The following TYR variants were observed in gnomAD, a reference collection of about 807,000 sequenced individuals.
TYR encodes the protein LB24-AB.
TYR carries 58 observed loss-of-function variants against 51.5 expected under a neutral mutation model. The ratio of observed to expected loss-of-function variants is 1.13; its 90% CI spans 0.91 to 1.40. The LOEUF (loss-of-function observed/expected upper bound fraction) is 1.40. Among genes scored for constraint, TYR ranks in the 40% most tolerant of loss-of-function variants. The pLI is 0.00. For missense variants in TYR, 732 were observed against 647.4 expected (o/e 1.13, Z -1.42); for synonymous variants, 263 against 235.2 (o/e 1.12, Z -1.08).
chr11:89,232,627 G>A lies in TYR; in HGVS notation c.1184+4657G>A, dbSNP rs745791361. ...TACTATGTTCATAACCTCGATGATG[G>A]GTTCAATCATACCCAAACTTCAGCA... is the stretch of plus-strand genomic sequence containing the variant. On this transcript the variant is annotated intron_variant, in intron 3 of 4. Transcript: ENST00000263321. Among the ~76,000 whole-genome samples, 13 of 140,868 alleles carry A rather than the reference G, an allele frequency of 9.2e-5. 1 individual carries two copies. The highest frequency in any genetic ancestry group is 2.0e-4 in the Non-Finnish European group (13 of 66,142). 92.4% of individuals were successfully genotyped at this position (140,868 alleles called of 152,430 possible).
At position 89,177,984 on chromosome 11, in the gene TYR, T is replaced by C; in HGVS notation, c.31T>C (p.Trp11Arg). 1 of 1,614,194 alleles carries C rather than the reference T, an allele frequency of 6.2e-7. No individual in the cohort carries two copies. Among genetic ancestry groups the C allele is most frequent in the African/African-American group, 1.3e-5 (1 of 75,056 alleles). ...CCTGGCTGTTTTGTACTGCCTGCTG[T>C]GGAGTTTCCAGACCTCCGCTGGCCA... MLLAVLYCLLWSFQTSAGHFP... is the reference protein window; with the variant it reads MLLAVLYCLLRSFQTSAGHFP... Residue 11 changes from tryptophan (W) to arginine (R), a missense_variant, in exon 1 of 5, where the codon TGG (tryptophan) becomes CGG (arginine). Coordinates refer to ENST00000263321, the MANE Select transcript of TYR (RefSeq NM_000372.5).
intron 4 of TYR, among the ~76,000 whole-genome samples, chr11:89,290,795 G>C (rs1477353561): frequency 6.6e-6 from 1 of 151,964 alleles, no homozygotes; most frequent in Non-Finnish European, 1.5e-5. Context: ...GTAAGCCCAG[G>C]ATGCACTCTC....
At chr11:89,242,659 G>A (rs1207167132) in intron 3 of TYR, among the ~76,000 whole-genome samples, 1 of 152,186 alleles carries the variant, frequency 6.6e-6, no homozygotes, top group African/African-American at 2.4e-5. Flanking sequence ...GTCAGGAGTG[G>A]TTAATGGCAG....
chr11:89,219,916 G>T (rs1169217253), intron 2 of TYR, among the ~76,000 whole-genome samples: 1 of 151,784 alleles, frequency 6.6e-6, no homozygotes, highest in East Asian at 1.9e-4. Flanking sequence ...GATATGACAA[G>T]AATTAAAGGA....
intron 3 of TYR, among the ~76,000 whole-genome samples, chr11:89,275,794 A>G (rs1944647015): frequency 6.6e-6 from 1 of 151,812 alleles, no homozygotes; most frequent in Non-Finnish European, 1.5e-5. Flanking sequence ...TTATTTGAAC[A>G]TGGTTTGAAC....
chr11:89,193,217 C>G (rs944639786), intron 2 of TYR, among the ~76,000 whole-genome samples: 1 of 152,022 alleles, frequency 6.6e-6, no homozygotes, highest in African/African-American at 2.4e-5. Context: ...GAAACTGGAG[C>G]ATTTTGCTGT....
At chr11:89,195,144 A>G (rs992152348) in intron 2 of TYR, among the ~76,000 whole-genome samples, 1 of 152,192 alleles carries the variant, frequency 6.6e-6, no homozygotes, top group African/African-American at 2.4e-5. Context: ...TGCTCTCTCA[A>G]TAAATGCATA....
chr11:89,278,565 A>G lies in TYR; in HGVS notation c.1185-6208A>G, dbSNP rs147546939. On this transcript the variant is annotated intron_variant, in intron 3 of 4. Transcript: ENST00000263321. Reference sequence around the variant, plus strand: ...CGAATCAGTTCCCAAATATCCAACTATCTTAAGGCTTCCTTGTTTGTTCTT... The same window carrying G: ...CGAATCAGTTCCCAAATATCCAACTGTCTTAAGGCTTCCTTGTTTGTTCTT... Among the ~76,000 whole-genome samples the G allele has an allele frequency of 0.013, 1,931 of 151,722 alleles. 16 individuals carry two copies. Among genetic ancestry groups the G allele is most frequent in the Admixed American group, 0.02 (297 of 15,180 alleles).
At chr11:89,245,015 G>A (rs1036419517) in intron 3 of TYR, among the ~76,000 whole-genome samples, 2 of 152,184 alleles carry the variant, frequency 1.3e-5, no homozygotes, top group Non-Finnish European at 2.9e-5. Flanking sequence ...TTTAACCCCT[G>A]AATCTGCAGC....
At chr11:89,279,302 G>A (rs1271559121) in intron 3 of TYR, among the ~76,000 whole-genome samples, 1 of 151,640 alleles carries the variant, frequency 6.6e-6, no homozygotes, top group East Asian at 1.9e-4. Flanking sequence ...CTTTGTAGCA[G>A]CTGGCCATAA....
chr11:89,283,826 T>G (rs1944748804), intron 3 of TYR: 1 of 151,892 alleles, frequency 6.6e-6, no homozygotes, highest in Non-Finnish European at 1.5e-5. Flanking sequence ...TTAGTTTTTT[T>G]CCAGTCAAAG....
At chr11:89,198,938 G>A (rs1344041268) in intron 2 of TYR, among the ~76,000 whole-genome samples, 1 of 151,980 alleles carries the variant, frequency 6.6e-6, no homozygotes, top group African/African-American at 2.4e-5. Context: ...AGGCCCCGGT[G>A]TGTAATGTTC....
intron 3 of TYR, among the ~76,000 whole-genome samples, chr11:89,255,015 A>C (rs956070913): frequency 1.3e-5 from 2 of 151,782 alleles, no homozygotes; most frequent in East Asian, 3.9e-4. Context: ...TCGTGTCACT[A>C]TTATTGTTCA....
At chr11:89,284,408 TTCTTTCTCTGG>T (rs1364965893) in intron 3 of TYR, among the ~76,000 whole-genome samples, 1 of 151,770 alleles carries the variant, frequency 6.6e-6, no homozygotes, top group Non-Finnish European at 1.5e-5. Context: ...GTTTTATACG[TTCTTTCTCTGG>T]TCTTTCTTTG....
At position 89,247,526 on chromosome 11, in the gene TYR, G is replaced by C. The variant is rs148014758; in HGVS notation, c.1184+19556G>C. ...CTCTTTGTAGGATTAATATATTCTA[G>C]TACTAGGAAAGTTAAATTGCTTAAA... On this transcript the variant is annotated intron_variant, in intron 3 of 4. Coordinates refer to ENST00000263321, the MANE Select transcript of TYR (RefSeq NM_000372.5). Among the ~76,000 whole-genome samples, 604 of 152,208 alleles carry C rather than the reference G, an allele frequency of 4.0e-3. 4 individuals carry two copies. The highest frequency in any genetic ancestry group is 0.014 in the African/African-American group (582 of 41,538).
At chr11:89,207,176 T>G (rs1396537184) in intron 2 of TYR, among the ~76,000 whole-genome samples, 1 of 151,880 alleles carries the variant, frequency 6.6e-6, no homozygotes, top group Non-Finnish European at 1.5e-5. Context: ...GATATGAATA[T>G]AACAAGCAGC....
intron 2 of TYR, among the ~76,000 whole-genome samples, chr11:89,205,779 A>G (rs1943664314): frequency 6.6e-6 from 1 of 152,282 alleles, no homozygotes; most frequent in Admixed American, 6.5e-5. Flanking sequence ...TGATAAAATA[A>G]ACTTTCTTAA....
chr11:89,272,143 G>A (rs1944595326), intron 3 of TYR, among the ~76,000 whole-genome samples: 1 of 151,850 alleles, frequency 6.6e-6, no homozygotes, highest in Admixed American at 6.6e-5. Flanking sequence ...TATCTAAATA[G>A]TTAATCCCTT....
chr11:89,222,177 A>G (rs1002730135), intron 2 of TYR, among the ~76,000 whole-genome samples: 4 of 152,168 alleles, frequency 2.6e-5, no homozygotes, highest in Non-Finnish European at 5.9e-5. Context: ...AGGAAATCAT[A>G]TATTCACAGG....
Sources: allele counts gnomAD v4.1 joint callset (sites outside exome capture counted in the v4.1 genomes callset), GRCh38; gene constraint gnomAD v4.1.1; transcripts MANE v1.5; gene names NCBI Gene and HGNC (gene_info 2026-07-23, HGNC 2026-07-21).